STXBP5L: variants seen among roughly 807,000 people sequenced by gnomAD.
The protein encoded by STXBP5L is syntaxin binding protein 5L.
In STXBP5L, 65 loss-of-function variants were observed where a neutral mutation model predicts 144.5. The observed-to-expected ratio is 0.45, with a 90% confidence interval of 0.37 to 0.55. STXBP5L has a LOEUF of 0.55. STXBP5L is among the 20% of genes least tolerant of loss of function. The probability of loss-of-function intolerance (pLI) is 0.00; values close to 1 mark genes in which losing one functional copy is unlikely to be tolerated. For synonymous variants in STXBP5L, 505 were observed against 469.6 expected, an observed-to-expected ratio of 1.08 and a Z score of -0.97; for missense variants, 1,298 against 1,405.5, an observed-to-expected ratio of 0.92 and a Z score of 1.22.
intron 20 of STXBP5L, among the ~76,000 whole-genome samples, chr3:121,319,993 G>A (rs1010739387): frequency 2.6e-5 from 4 of 152,058 alleles, no homozygotes; most frequent in Non-Finnish European, 5.9e-5. Flanking sequence ...GTTTTTTAAA[G>A]ATCATTATAG....
intron 9 of STXBP5L, among the ~76,000 whole-genome samples, chr3:121,160,969 A>G (rs1240416970): frequency 6.6e-6 from 1 of 152,054 alleles, no homozygotes. Context: ...TCTTGTAACC[A>G]TGTAGATCTA....
At chr3:121,185,172 G>A (rs1405520102) in intron 9 of STXBP5L, among the ~76,000 whole-genome samples, 1 of 152,130 alleles carries the variant, frequency 6.6e-6, no homozygotes, top group Admixed American at 6.5e-5. Flanking sequence ...TGAGTTAATT[G>A]TAGATTCTAC....
At chr3:121,240,410 ATAT>A in intron 13 of STXBP5L, 27 bp from the exon 14 acceptor site, 1 of 1,598,124 alleles carries the variant, frequency 6.3e-7, no homozygotes, top group Non-Finnish European at 8.6e-7. Flanking sequence ...TTAAACATGT[ATAT>A]ATATTCTTTC....
chr3:121,105,914 T>G (rs1215133816), intron 5 of STXBP5L, among the ~76,000 whole-genome samples: 12 of 152,154 alleles, frequency 7.9e-5, no homozygotes, highest in Non-Finnish European at 1.5e-4. Flanking sequence ...AAAATTTATA[T>G]TTTATTTTGT....
In STXBP5L at chr3:121,258,504, A is replaced by G. The variant is rs559579593; in HGVS notation, c.1833-539A>G. ...GCAAATATTACTGGGAGGAAAATCT[A>G]CAAAGAGAAAACATCATCATAAAAT... On this transcript the variant is annotated intron_variant, in intron 17 of 26. Coordinates refer to ENST00000471454, the MANE Select transcript of STXBP5L (RefSeq NM_001308330.2). 4.6e-5 allele frequency among the ~76,000 whole-genome samples: 7 copies of G among 152,352 alleles called. No individual in the cohort carries two copies. In the South Asian group the frequency reaches 1.4e-3, roughly 32 times the overall value.
At chr3:121,319,750 C>G (rs2043907185) in intron 20 of STXBP5L, among the ~76,000 whole-genome samples, 1 of 152,050 alleles carries the variant, frequency 6.6e-6, no homozygotes, top group African/African-American at 2.4e-5. Flanking sequence ...ATCATATTTT[C>G]CCATGCTTAT....
At chr3:121,153,748 G>T (rs1382317958) in intron 8 of STXBP5L, among the ~76,000 whole-genome samples, 1 of 151,916 alleles carries the variant, frequency 6.6e-6, no homozygotes, top group Admixed American at 6.6e-5. Context: ...TAAAATGGCA[G>T]CTGGGTAATT....
intron 20 of STXBP5L, among the ~76,000 whole-genome samples, chr3:121,343,140 G>A (rs1193886451): frequency 6.6e-6 from 1 of 152,136 alleles, no homozygotes; most frequent in Non-Finnish European, 1.5e-5. Flanking sequence ...CTGCATAAAT[G>A]TCTTCTTTTG....
At chr3:121,381,085 C>T (rs1468799602) in intron 21 of STXBP5L, among the ~76,000 whole-genome samples, 1 of 152,100 alleles carries the variant, frequency 6.6e-6, no homozygotes, top group East Asian at 1.9e-4. Flanking sequence ...AGTCCTAGGT[C>T]TGCCTAAGCT....
Position 121,418,542 on chromosome 3 carries a change from C to A in STXBP5L, c.3432C>A (p.Ser1144=). The stretch of plus-strand genomic sequence containing the variant: ...TGATGACCAGTGCAGAAGCATTTTC[C>A]AAACATGCACATGAGGTAAACTGCC... ...AGMMTSAEAF[S]KHAHELMLKY... The change falls in exon 26 of 27, where the codon TCC becomes TCA. Residue 1144 remains serine, a synonymous_variant. Transcript: ENST00000471454. The A allele has an allele frequency of 2.5e-6, 4 of 1,613,890 alleles. No individual in the cohort carries two copies. Among genetic ancestry groups the A allele is most frequent in the Non-Finnish European group, 3.4e-6 (4 of 1,179,896 alleles).
chr3:121,407,776 G>A (rs2047028405), intron 23 of STXBP5L, 173 bp downstream of exon 23: 1 of 973,040 alleles, frequency 1.0e-6, no homozygotes, highest in Admixed American at 3.4e-5. Context: ...TGGGGGTTTT[G>A]TGTTTTGTTT....
At chr3:120,970,068 A>G (rs1457928949) in intron 3 of STXBP5L, among the ~76,000 whole-genome samples, 1 of 152,002 alleles carries the variant, frequency 6.6e-6, no homozygotes, top group Non-Finnish European at 1.5e-5. Context: ...AGAAAACCAA[A>G]CCCTACCCTT....
At chr3:121,151,189 C>T (rs977027191) in intron 7 of STXBP5L, among the ~76,000 whole-genome samples, 3 of 151,886 alleles carry the variant, frequency 2.0e-5, no homozygotes, top group African/African-American at 7.2e-5. Flanking sequence ...TATCTTAGTA[C>T]ACTTAGTACA....
chr3:121,277,130 G>C (rs888064052), intron 18 of STXBP5L, among the ~76,000 whole-genome samples: 1 of 151,934 alleles, frequency 6.6e-6, no homozygotes, highest in Non-Finnish European at 1.5e-5. Context: ...AATTCTGAAG[G>C]CTGAGAAGTC....
chr3:120,992,595 G>A (rs565966846), intron 3 of STXBP5L, among the ~76,000 whole-genome samples: 2 of 151,964 alleles, frequency 1.3e-5, no homozygotes, highest in African/African-American at 4.8e-5. Context: ...CATGATGGAC[G>A]TGCAGTTCTA....
At chr3:121,137,135 A>G (rs2107923326) in intron 7 of STXBP5L, among the ~76,000 whole-genome samples, 1 of 152,244 alleles carries the variant, frequency 6.6e-6, no homozygotes, top group Non-Finnish European at 1.5e-5. Context: ...TATTATGCTA[A>G]TTACCTGGGT....
chr3:120,920,686 T>C (rs1338250199), intron 2 of STXBP5L, among the ~76,000 whole-genome samples: 1 of 151,734 alleles, frequency 6.6e-6, no homozygotes, highest in Non-Finnish European at 1.5e-5. Context: ...AACAATATAC[T>C]CTCTGTCTTC....
At chr3:121,303,850 G>A (rs1253272175) in intron 19 of STXBP5L, among the ~76,000 whole-genome samples, 1 of 152,052 alleles carries the variant, frequency 6.6e-6, no homozygotes, top group Non-Finnish European at 1.5e-5. Flanking sequence ...GACACAGGAA[G>A]GGGAACATCA....
At chr3:121,220,107 T>C (rs2048928806) in intron 10 of STXBP5L, among the ~76,000 whole-genome samples, 1 of 152,110 alleles carries the variant, frequency 6.6e-6, no homozygotes, top group Non-Finnish European at 1.5e-5. Flanking sequence ...CAACTCTCAC[T>C]TTCTGTCCCT....
Sources: gnomAD v4.1 joint callset for allele counts (sites outside exome capture counted in the v4.1 genomes callset) on GRCh38, gnomAD v4.1.1 for gene constraint, MANE v1.5 for transcripts, NCBI Gene and HGNC (gene_info 2026-07-23, HGNC 2026-07-21) for gene names.